WDR24: variants seen among roughly 807,000 people sequenced by gnomAD.
The protein encoded by WDR24 is GATOR2 complex protein WDR24.
A neutral mutation model predicts 66.7 loss-of-function variants in WDR24; 32 were observed. That is an observed-to-expected ratio of 0.48 (90% CI 0.36 to 0.64). The LOEUF is 0.64. WDR24 is among the 30% of genes least tolerant of loss of function. The probability of loss-of-function intolerance (pLI) is 0.00; values close to 1 mark genes in which losing one functional copy is unlikely to be tolerated. For synonymous variants in WDR24, 565 were observed against 469.1 expected (o/e 1.20, Z -2.64); for missense variants, 978 against 1,144.1 (o/e 0.85, Z 2.09).
Position 686,882 on chromosome 16 carries a change from A to G in WDR24, c.1194T>C (p.Ser398=), listed in dbSNP as rs1412915062. The G allele has an allele frequency of 6.2e-7, 1 of 1,609,746 alleles. No individual in the cohort carries two copies. The highest frequency in any genetic ancestry group is 8.5e-7 in the Non-Finnish European group (1 of 1,179,632). ...CGCCACCTGGCTCCGTCTCAAAGAC[A>G]CTGAGGGCACTGGAGGCGAGGCCTG... ...PFAGLASSAL[S]VFETEPGGGG... Residue 398 remains serine (S), a synonymous_variant, in exon 3 of 9, where the codon AGT becomes AGC. Coordinates refer to ENST00000293883, the MANE Select transcript of WDR24 (RefSeq NM_032259.4).
chr16:689,597 A>C lies in WDR24; in HGVS notation c.44T>G (p.Val15Gly), dbSNP rs201247855. 22 of 1,612,842 alleles carry C rather than the reference A, an allele frequency of 1.4e-5. No homozygotes were observed. Among genetic ancestry groups the C allele is most frequent in the Non-Finnish European group, 1.8e-5 (21 of 1,179,996 alleles). The change falls in exon 1 of 9, where the codon GTG (valine) becomes GGG (glycine). Residue 15 changes from valine to glycine, a missense_variant. Physicochemically the swap from Val to Gly is moderately radical, Grantham distance 109. Around this residue, in one of 2 missense-constraint regions of WDR24, gnomAD observed 302 missense variants for 526.6 expected, o/e 0.57. Coordinates refer to ENST00000293883, the MANE Select transcript of WDR24 (RefSeq NM_032259.4). ...SRVTTALGGS[V>G]LTGRTMHCHL... ...GCAGTGCATGGTGCGGCCTGTCAGCACGCTGCCACCCAGGGCTGTGGTCAC... is the reference window on the plus strand; with the variant it reads ...GCAGTGCATGGTGCGGCCTGTCAGCCCGCTGCCACCCAGGGCTGTGGTCAC...
rs573212660 is a variant in WDR24 at position 685,452 on chromosome 16, G to A, written c.1824C>T (p.Ala608=). Residue 608 remains alanine (A), a synonymous_variant, in exon 7 of 9, where the codon GCC becomes GCT. Transcript: ENST00000293883. ...GGAGCGAGAAGGAGGAGTCCACGGG[G>A]GCCAGGGAGGCCACATCCGCCTCGC... ...SGSEADVASL[A]PVDSSFSLLS... 3.1e-6 allele frequency: 5 copies of A among 1,605,752 alleles called. No individual in the cohort carries two copies. The South Asian group carries it at 3.3e-5, about 11-fold the overall frequency.
Position 686,879 on chromosome 16 carries a change from G to T in WDR24, c.1197C>A (p.Val399=). Residue 399 remains valine, a synonymous_variant, in exon 3 of 9, where the codon GTC becomes GTA. Transcript: ENST00000293883. The part of the protein sequence containing the change: ...FAGLASSALS[V]FETEPGGGGM... ...CGCCGCCACCTGGCTCCGTCTCAAA[G>T]ACACTGAGGGCACTGGAGGCGAGGC... 1 of 1,609,890 alleles carries T rather than the reference G, an allele frequency of 6.2e-7. No homozygotes were observed.
chr16:686,535 G>A (rs1029413438), intron 3 of WDR24, among the ~76,000 whole-genome samples: 1 of 120,930 alleles, frequency 8.3e-6, no homozygotes, highest in Non-Finnish European at 1.7e-5. Context: ...CGAGACCCCC[G>A]CCCCTCAGAG....
In WDR24 at chr16:685,923, C is replaced by T. The variant is rs1476052922; in HGVS notation, c.1519G>A (p.Ala507Thr). The T allele has an allele frequency of 5.0e-6, 8 of 1,613,070 alleles. No individual in the cohort carries two copies. Among genetic ancestry groups the T allele is most frequent in the Non-Finnish European group, 6.8e-6 (8 of 1,180,008 alleles). ...TCGAGCAGAACTGTGTCGCTCCGTG[C>T]ATCTCCTTTGCTGCGGTCCAGCCGC... ...ETRLDRSKGD[A>T]RSDTVLLDSS... The change falls in exon 5 of 9, where the codon GCA becomes ACA. Residue 507 changes from alanine (A) to threonine (T), a missense_variant. Ala to Thr is a moderately conservative substitution (Grantham distance 58). Around this residue, in one of 2 missense-constraint regions of WDR24, gnomAD observed 676 missense variants for 617.5 expected, o/e 1.09. Coordinates refer to ENST00000293883, the MANE Select transcript of WDR24 (RefSeq NM_032259.4).
intron 1 of WDR24, 153 bp from the exon 2 acceptor site, chr16:687,892 G>A: frequency 1.9e-6 from 2 of 1,038,424 alleles, no homozygotes; most frequent in Non-Finnish European, 2.9e-6. Context: ...GCCCAAGGAA[G>A]CAGCCACACA....
intron 1 of WDR24, 128 bp downstream of exon 1, chr16:689,032 C>T (rs534963749): frequency 3.5e-6 from 5 of 1,444,076 alleles, no homozygotes; most frequent in Non-Finnish European, 2.8e-6. Flanking sequence ...GATTCCCTTT[C>T]CCCCTGAGGA....
chr16:686,713 C>T (rs1023673885), intron 3 of WDR24, 31 bp downstream of exon 3: 1 of 1,557,882 alleles, frequency 6.4e-7, no homozygotes, highest in Non-Finnish European at 8.7e-7. Context: ...AGGTCGTGGC[C>T]CAGGGACCCC....
intron 1 of WDR24, chr16:688,070 C>T (rs1244070981): frequency 2.0e-6 from 1 of 503,670 alleles, no homozygotes; most frequent in South Asian, 1.5e-5. Flanking sequence ...GGAACGCACC[C>T]AGCCATCGCC....
In WDR24 at chr16:685,030, G is replaced by A. The variant is rs766311823; in HGVS notation, c.2166C>T (p.Cys722=). Residue 722 remains cysteine (C), a synonymous_variant, in exon 8 of 9, where the codon TGC becomes TGT. Transcript: ENST00000293883. ...STTLHVNCSH[C]KRPMSSRGWV... ...AGCCCCGGCTGCTCATGGGCCGCTT[G>A]CAGTGGCTGCAGTTGACGTGCAGGG... 2 of 1,556,184 alleles carry A rather than the reference G, an allele frequency of 1.3e-6. No homozygotes were observed. Among genetic ancestry groups the A allele is most frequent in the Non-Finnish European group, 1.7e-6 (2 of 1,152,202 alleles).
Position 689,478 on chromosome 16 carries a change from C to T in WDR24, c.163G>A (p.Glu55Lys), listed in dbSNP as rs144587765. 20 of 1,613,522 alleles carry T rather than the reference C, an allele frequency of 1.2e-5. No individual in the cohort carries two copies. The highest frequency in any genetic ancestry group is 3.3e-4 in the Middle Eastern group (2 of 6,062). The change falls in exon 1 of 9, where the codon GAG (glutamate) becomes AAG (lysine). Residue 55 changes from glutamate (E) to lysine (K), a missense_variant. Physicochemically the swap from Glu to Lys is moderately conservative, Grantham distance 56 (BLOSUM62 1). Transcript: ENST00000293883. ...AGCTTTTCCACGAACTGTTCCTCCT[C>T]GATGGCATAGATCTTGAAGATGCTA... ...GRSIFKIYAI[E>K]EEQFVEKLNL...
In WDR24 at chr16:685,301, C is replaced by T. The variant is rs773293239; in HGVS notation, c.1975G>A (p.Val659Ile). ...DVQMAVSVLI[V>I]LGERVRKDID... ...TCCTTGCGCACCCGTTCACCCAGGA[C>T]GATGAGCACAGACACAGCCATCTGC... The change falls in exon 7 of 9, where the codon GTC becomes ATC. Residue 659 changes from valine to isoleucine, a missense_variant. Physicochemically the swap from Val to Ile is conservative, Grantham distance 29. Coordinates refer to ENST00000293883, the MANE Select transcript of WDR24 (RefSeq NM_032259.4). 2.5e-6 allele frequency: 4 copies of T among 1,599,720 alleles called. No individual in the cohort carries two copies. In the South Asian group the frequency reaches 3.3e-5, roughly 13 times the overall value.
rs779206378 is a variant in WDR24 at position 686,061 on chromosome 16, C to T, written c.1451+7G>A. The T allele has an allele frequency of 1.9e-6, 3 of 1,612,834 alleles. No homozygotes were observed. The highest frequency in any genetic ancestry group is 2.2e-5 in the South Asian group (2 of 91,062). ...AGCCCCTGGGGAGAGCTGCCCCCGG[C>T]ATCTACCTGTTCATGAGCGGGAGGC... is the stretch of plus-strand genomic sequence containing the variant. On this transcript the variant is annotated splice_region_variant and intron_variant, in intron 4 of 8. Transcript: ENST00000293883.
At position 686,904 on chromosome 16, in the gene WDR24, C is replaced by A. The variant is rs541141472; in HGVS notation, c.1172G>T (p.Gly391Val). The change falls in exon 3 of 9, where the codon GGC (glycine) becomes GTC (valine). Residue 391 changes from glycine (G) to valine (V), a missense_variant. This residue lies in a region of WDR24 where 676 missense variants were observed against 617.5 expected (regional missense o/e 1.09). Transcript: ENST00000293883. ...GACACTGAGGGCACTGGAGGCGAGG[C>A]CTGCGAAGGGCTCGGCAGGGTCCAG... ...RKLDPAEPFAGLASSALSVFE... is the reference protein window; with the variant it reads ...RKLDPAEPFAVLASSALSVFE... 4.4e-6 allele frequency: 7 copies of A among 1,608,444 alleles called. No individual in the cohort carries two copies. The South Asian group carries it at 7.7e-5, about 18-fold the overall frequency.
At position 689,318 on chromosome 16, in the gene WDR24, G is replaced by A. The variant is rs1156425274; in HGVS notation, c.323C>T (p.Ser108Phe). The change falls in exon 1 of 9, where the codon TCC (serine) becomes TTC (phenylalanine). Residue 108 changes from serine (S) to phenylalanine (F), a missense_variant. Physicochemically the swap from Ser to Phe is radical, Grantham distance 155. Around this residue, in one of 2 missense-constraint regions of WDR24, gnomAD observed 302 missense variants for 526.6 expected, o/e 0.57. Coordinates refer to ENST00000293883, the MANE Select transcript of WDR24 (RefSeq NM_032259.4). ...GAACAGCTGGTCCTGCTTGTTGCGG[G>A]ATGGCCGGCCCAGGTTCCACGTGAC... Reference protein sequence around the residue: ...VVVTWNLGRPSRNKQDQLFTE... With the variant: ...VVVTWNLGRPFRNKQDQLFTE... The A allele has an allele frequency of 6.2e-7, 1 of 1,613,730 alleles. No homozygotes were observed. The highest frequency in any genetic ancestry group is 2.2e-5 in the East Asian group (1 of 44,902).
Position 687,175 on chromosome 16 carries a change from T to C in WDR24, c.901A>G (p.Thr301Ala). The C allele has an allele frequency of 1.9e-6, 3 of 1,612,536 alleles. No individual in the cohort carries two copies. The highest frequency in any genetic ancestry group is 2.5e-6 in the Non-Finnish European group (3 of 1,179,928). The part of the protein sequence containing the change: ...AMFEEHRDVT[T>A]GIAWRHPHDP... ...TGGGGGTGGCGCCAGGCAATTCCCG[T>C]GGTGACGTCTCGGTGTTCCTCAAAC... The change falls in exon 3 of 9, where the codon ACG (threonine) becomes GCG (alanine). Residue 301 changes from threonine (T) to alanine (A), a missense_variant. Transcript: ENST00000293883.
At position 685,056 on chromosome 16, in the gene WDR24, T is replaced by C; in HGVS notation, c.2140A>G (p.Thr714Ala). The change falls in exon 8 of 9, where the codon ACC becomes GCC. Residue 714 changes from threonine to alanine, a missense_variant. This residue lies in a region of WDR24 where 676 missense variants were observed against 617.5 expected (regional missense o/e 1.09). Transcript: ENST00000293883. ...AVSCLNQAST[T>A]LHVNCSHCKR... ...CAGTGGCTGCAGTTGACGTGCAGGG[T>C]GGTGGAGGCCTGGTTGAGGCAGCTG... 1 of 1,557,054 alleles carries C rather than the reference T, an allele frequency of 6.4e-7. No individual in the cohort carries two copies.
intron 3 of WDR24, 54 bp from the exon 4 acceptor site, chr16:686,240 C>G: frequency 6.3e-7 from 1 of 1,584,210 alleles, no homozygotes; most frequent in African/African-American, 1.3e-5. Context: ...GCACCCCATG[C>G]AGGTCCCTCT....
At position 685,889 on chromosome 16, in the gene WDR24, G is replaced by A; in HGVS notation, c.1553C>T (p.Ala518Val). The A allele has an allele frequency of 6.2e-7, 1 of 1,613,150 alleles. No individual in the cohort carries two copies. The highest frequency in any genetic ancestry group is 8.5e-7 in the Non-Finnish European group (1 of 1,179,982). Residue 518 changes from alanine (A) to valine (V), a missense_variant, in exon 5 of 9, where the codon GCC (alanine) becomes GTC (valine). Transcript: ENST00000293883. ...RSDTVLLDSS[A>V]TLITNEDNEE... ...CCTACCCTCATTGGTGATGAGTGTG[G>A]CCGAGGAGTCGAGCAGAACTGTGTC...
Sources: gnomAD v4.1 joint callset for allele counts (sites outside exome capture counted in the v4.1 genomes callset) on GRCh38, gnomAD v4.1.1 for gene constraint, gnomAD v4.1.1 regional missense constraint, MANE v1.5 for transcripts, NCBI Gene and HGNC (gene_info 2026-07-23, HGNC 2026-07-21) for gene names.